Variants in FARP1 observed in about 807,000 individuals in gnomAD.
FARP1 encodes FERM, ARH/RhoGEF and pleckstrin domain protein 1.
FARP1 carries 52 observed loss-of-function variants against 128.8 expected under a neutral mutation model. The ratio of observed to expected loss-of-function variants is 0.40; its 90% confidence interval spans 0.32 to 0.51. FARP1 has a LOEUF of 0.51. Among genes scored for constraint, FARP1 ranks in the 20% least tolerant of loss-of-function variants. The probability of loss-of-function intolerance (pLI) is 0.45; values close to 1 mark genes in which losing one functional copy is unlikely to be tolerated. For synonymous variants in FARP1, 580 were observed against 551.8 expected, an observed-to-expected ratio of 1.05 and a Z score of -0.72; for missense variants, 1,333 against 1,367.9, an observed-to-expected ratio of 0.97 and a Z score of 0.40.
At chr13:98,408,316 T>C (rs1221922820) in intron 13 of FARP1, among the ~76,000 whole-genome samples, 3 of 145,296 alleles carry the variant, frequency 2.1e-5, no homozygotes, top group African/African-American at 7.6e-5. Context: ...TAGCGGGTAA[T>C]ATATACTTTT....
At chr13:98,243,306 G>A (rs1054400013) in intron 2 of FARP1, among the ~76,000 whole-genome samples, 4 of 152,132 alleles carry the variant, frequency 2.6e-5, no homozygotes, top group Admixed American at 2.0e-4. Flanking sequence ...GTGGTGCATT[G>A]TGGAATGTGT....
intron 2 of FARP1, among the ~76,000 whole-genome samples, chr13:98,276,654 G>C (rs980576955): frequency 6.6e-6 from 1 of 152,102 alleles, no homozygotes; most frequent in Non-Finnish European, 1.5e-5. Context: ...TCATCTTCTT[G>C]GTATTCAAAA....
intron 2 of FARP1, chr13:98,328,622 T>C (rs998838963): frequency 5.3e-5 from 8 of 152,214 alleles, no homozygotes; most frequent in Non-Finnish European, 1.2e-4. Context: ...TCAAGAACCT[T>C]TGGCCTTTTC....
intron 2 of FARP1, among the ~76,000 whole-genome samples, chr13:98,247,872 A>G (rs1452919573): frequency 1.3e-5 from 2 of 152,234 alleles, no homozygotes; most frequent in Non-Finnish European, 2.9e-5. Flanking sequence ...TGTGGTCATC[A>G]GCTTCCAGCG....
intron 2 of FARP1, among the ~76,000 whole-genome samples, chr13:98,321,407 G>C (rs1886986833): frequency 6.6e-6 from 1 of 152,152 alleles, no homozygotes. Context: ...TTAGACAAAT[G>C]GTTGTGTCTG....
intron 2 of FARP1, among the ~76,000 whole-genome samples, chr13:98,317,997 TC>T: frequency 6.9e-6 from 1 of 145,272 alleles, no homozygotes; most frequent in Non-Finnish European, 1.5e-5. Context: ...CTCTTCCTCA[TC>T]CTCCTCCTCC....
Position 98,315,639 on chromosome 13 carries a change from G to T in FARP1, c.172-28123G>T, listed in dbSNP as rs530524615. Among the ~76,000 whole-genome samples, 4 of 152,218 alleles carry T rather than the reference G, an allele frequency of 2.6e-5. No individual in the cohort carries two copies. The East Asian group carries it at 7.7e-4, about 29-fold the overall frequency. ...AAGGCTGAGGAGTGCAGCAGTGGGT[G>T]GAGACGGCCGTGCTTAGGAGCTCAC... On this transcript the variant is annotated intron_variant, in intron 2 of 26. Coordinates refer to ENST00000319562, the MANE Select transcript of FARP1 (RefSeq NM_005766.4).
At chr13:98,270,310 C>T (rs1403157800) in intron 2 of FARP1, among the ~76,000 whole-genome samples, 4 of 152,086 alleles carry the variant, frequency 2.6e-5, no homozygotes, top group Admixed American at 2.6e-4. Flanking sequence ...GAGCTGTTCA[C>T]ACATCCTCAG....
chr13:98,328,377 G>A (rs1182843441), intron 2 of FARP1: 1 of 152,174 alleles, frequency 6.6e-6, no homozygotes, highest in African/African-American at 2.4e-5. Flanking sequence ...TGGGTTGAGA[G>A]CCTTAGGATT....
chr13:98,366,808 GT>G (rs1246607702), intron 4 of FARP1, among the ~76,000 whole-genome samples: 1 of 152,106 alleles, frequency 6.6e-6, no homozygotes, highest in Non-Finnish European at 1.5e-5. Context: ...ACATGTAAGA[GT>G]TTGTTAATTT....
rs562413524 is a variant in FARP1, at chr13:98,428,236, C to T, written c.1906-2807C>T. Among the ~76,000 whole-genome samples the T allele has an allele frequency of 7.2e-5, 11 of 152,306 alleles. No homozygotes were observed. In the East Asian group the frequency reaches 1.9e-3, roughly 27 times the overall value. ...GATCTCCAGCCCACGCTGTGAATGT[C>T]CACTTGCACACATCCATCCAGACGC... On this transcript the variant is annotated intron_variant, in intron 17 of 26. Coordinates refer to ENST00000319562, the MANE Select transcript of FARP1 (RefSeq NM_005766.4).
chr13:98,405,880 C>T (rs1323967227), intron 13 of FARP1: 1 of 152,212 alleles, frequency 6.6e-6, no homozygotes, highest in Non-Finnish European at 1.5e-5. Flanking sequence ...AGTTTCCTCT[C>T]CCCGTTGCCC....
chr13:98,177,248 A>T, intron 1 of FARP1: 1 of 1,537,320 alleles, frequency 6.5e-7, no homozygotes. Context: ...TTTGAGTCTC[A>T]GGCTCCCAAC....
At chr13:98,250,126 G>A (rs1021524274) in intron 2 of FARP1, among the ~76,000 whole-genome samples, 8 of 152,194 alleles carry the variant, frequency 5.3e-5, no homozygotes, top group African/African-American at 1.7e-4. Flanking sequence ...AAACATTGGG[G>A]TGGCCCAGTG....
rs765401742 is a variant in FARP1 at position 98,431,073 on chromosome 13, G to C, written c.1936G>C (p.Glu646Gln). The C allele has an allele frequency of 6.2e-7, 1 of 1,613,962 alleles. No homozygotes were observed. The highest frequency in any genetic ancestry group is 1.7e-5 in the Admixed American group (1 of 59,994). Residue 646 changes from glutamate to glutamine, a missense_variant, in exon 18 of 27, where the codon GAG (glutamate) becomes CAG (glutamine). Around this residue, in one of 2 missense-constraint regions of FARP1, gnomAD observed 1,009 missense variants for 969.8 expected, o/e 1.04. Transcript: ENST00000319562. ...HLAAHLWKHS[E>Q]ALEALENGIK... Reference sequence around the variant, plus strand: ...GGCGGCTCACCTGTGGAAGCACAGCGAGGCCTTGGAGGCCCTGGAGAATGG... The same window carrying C: ...GGCGGCTCACCTGTGGAAGCACAGCCAGGCCTTGGAGGCCCTGGAGAATGG...
intron 19 of FARP1, chr13:98,437,695 T>G: frequency 1.3e-6 from 1 of 788,466 alleles, no homozygotes; most frequent in Non-Finnish European, 2.2e-6. Context: ...GGCTGTGTCC[T>G]GGACCGTGAA....
chr13:98,157,067 T>C (rs969987697), intron 1 of FARP1, among the ~76,000 whole-genome samples: 5 of 152,204 alleles, frequency 3.3e-5, no homozygotes, highest in African/African-American at 1.2e-4. Context: ...ACGTGAAGGA[T>C]CACCTCACTG....
intron 1 of FARP1, among the ~76,000 whole-genome samples, chr13:98,211,471 A>G (rs1483638820): frequency 3.3e-5 from 5 of 152,236 alleles, no homozygotes; most frequent in African/African-American, 1.2e-4. Flanking sequence ...TGTCTTCCAC[A>G]AAACAAGTCC....
intron 2 of FARP1, among the ~76,000 whole-genome samples, chr13:98,313,267 A>G (rs1411191287): frequency 6.6e-6 from 1 of 150,496 alleles, no homozygotes; most frequent in Non-Finnish European, 1.5e-5. Flanking sequence ...ACACACACAC[A>G]CACACACTCT....
Sources: gnomAD v4.1 joint callset for allele counts (sites outside exome capture counted in the v4.1 genomes callset) on GRCh38, gnomAD v4.1.1 for gene constraint, gnomAD v4.1.1 regional missense constraint, MANE v1.5 for transcripts, NCBI Gene and HGNC (gene_info 2026-07-23, HGNC 2026-07-21) for gene names.